The following TCF23 variants were observed in gnomAD, a reference collection of about 807,000 sequenced individuals.
TCF23 encodes transcription factor 23.
Under a neutral mutation model 13.0 loss-of-function variants are expected in TCF23, and 7 were observed. That is an observed-to-expected ratio of 0.54 (90% confidence interval 0.31 to 1.01). TCF23 has a LOEUF of 1.01. TCF23 is among the 50% of genes least tolerant of loss of function. The pLI, the probability that TCF23 is intolerant of heterozygous loss-of-function variation, is 0.06. For synonymous variants in TCF23, 122 were observed against 119.5 expected, an observed-to-expected ratio of 1.02 and a Z score of -0.14; for missense variants, 257 against 289.8, an observed-to-expected ratio of 0.89 and a Z score of 0.82.
At chr2:27,149,840 C>T (rs1299712836) in intron 1 of TCF23, 1 of 689,306 alleles carries the variant, frequency 1.5e-6, no homozygotes, top group Non-Finnish European at 2.7e-6. Flanking sequence ...AGGACAAAGG[C>T]TCTGAGGAGG....
At position 27,150,213 on chromosome 2, in the gene TCF23, G is replaced by C. The variant is rs1447996249; in HGVS notation, c.313G>C (p.Ala105Pro). 6 of 1,613,000 alleles carry C rather than the reference G, an allele frequency of 3.7e-6. No individual in the cohort carries two copies. The highest frequency in any genetic ancestry group is 5.1e-6 in the Non-Finnish European group (6 of 1,179,884). The part of the protein sequence containing the change: ...AFLALQAALP[A>P]VPPDTKLSKL... ...CTTGGCCTTGCAGGCTGCTCTGCCT[G>C]CCGTGCCGCCCGACACCAAGCTCTC... Residue 105 changes from alanine to proline, a missense_variant, in exon 2 of 3, where the codon GCC becomes CCC. Transcript: ENST00000296096. This position sits in a 1 kb window ranked among gnomAD's most constrained non-coding sequence, Gnocchi z 4.1.
Position 27,154,321 on chromosome 2 carries a change from G to A in TCF23, c.*1454G>A, listed in dbSNP as rs982233954. 2.0e-5 allele frequency: 3 copies of A among 152,210 alleles called. No homozygotes were observed. The highest frequency in any genetic ancestry group is 7.2e-5 in the African/African-American group (3 of 41,462). The allele number at this position is 152,210 out of a possible 1,614,324, so 9.4% of individuals were successfully genotyped here. On this transcript the variant is annotated 3_prime_UTR_variant, in exon 3 of 3. Coordinates refer to ENST00000296096, the MANE Select transcript of TCF23 (RefSeq NM_175769.3). ...GTTAAATTTCAGCCCTTCAGAGTGG[G>A]AGGGGACGGGCATGACCAACTAGAG...
rs1017423993 is a variant in TCF23 at position 27,154,109 on chromosome 2, G to A, written c.*1242G>A. 5 of 152,214 alleles carry A rather than the reference G, an allele frequency of 3.3e-5. No homozygotes were observed. Among genetic ancestry groups the A allele is most frequent in the Non-Finnish European group, 5.9e-5 (4 of 68,028 alleles). The allele number at this position is 152,214 out of a possible 1,614,324, so 9.4% of individuals were successfully genotyped here. ...TCCGCCTCATGGAGATCGTCCTTGG[G>A]GGCTTTCTCTAAGTCCTACCATGGG... On this transcript the variant is annotated 3_prime_UTR_variant, in exon 3 of 3. Coordinates refer to ENST00000296096, the MANE Select transcript of TCF23 (RefSeq NM_175769.3).
intron 2 of TCF23, among the ~76,000 whole-genome samples, chr2:27,152,056 G>A (rs771988403): frequency 3.0e-4 from 45 of 152,340 alleles, no homozygotes; most frequent in Non-Finnish European, 5.3e-4. Flanking sequence ...GCAGGGTCCT[G>A]GGATGATATA....
rs1044665917 is a variant in TCF23, at chr2:27,150,544, C to A, written c.465+179C>A. On this transcript the variant is annotated intron_variant, in intron 2 of 2. Transcript: ENST00000296096. This position sits in a 1 kb window ranked among gnomAD's most constrained non-coding sequence, Gnocchi z 4.1. Reference sequence around the variant, plus strand: ...GAGCCAAGGCTGACCCTTGGGGCTGCGCTGACCCTGGGTTTCTCATGGGAG... The same window carrying A: ...GAGCCAAGGCTGACCCTTGGGGCTGAGCTGACCCTGGGTTTCTCATGGGAG... Among the ~76,000 whole-genome samples, 1 of 152,140 alleles carries A rather than the reference C, an allele frequency of 6.6e-6. No individual in the cohort carries two copies. Among genetic ancestry groups the A allele is most frequent in the Non-Finnish European group, 1.5e-5 (1 of 68,024 alleles).
At chr2:27,149,596 C>T (rs908358138) in intron 1 of TCF23, 10 of 648,776 alleles carry the variant, frequency 1.5e-5, no homozygotes, top group African/African-American at 1.1e-4. Flanking sequence ...AAACTGAGGC[C>T]GGGAAGAGGG....
chr2:27,152,277 C>G (rs889390276), intron 2 of TCF23, among the ~76,000 whole-genome samples: 2 of 152,240 alleles, frequency 1.3e-5, no homozygotes, highest in Non-Finnish European at 2.9e-5. Flanking sequence ...GGCAATCAAC[C>G]TGGTGTATTC....
chr2:27,149,964 C>T (rs1443168528), intron 1 of TCF23, 159 bp from the exon 2 acceptor site: 7 of 1,247,026 alleles, frequency 5.6e-6, no homozygotes, highest in Admixed American at 4.6e-5. Flanking sequence ...AGCTGTGAAA[C>T]GCGGCAGGGC....
At chr2:27,152,243 T>C (rs1005667675) in intron 2 of TCF23, among the ~76,000 whole-genome samples, 1 of 152,106 alleles carries the variant, frequency 6.6e-6, no homozygotes, top group African/African-American at 2.4e-5. Context: ...GGTGGAGAGG[T>C]TGTGAACAGG....
In TCF23 at chr2:27,152,810, A is replaced by G; in HGVS notation, c.588A>G (p.Gly196=). The change falls in exon 3 of 3, where the codon GGA becomes GGG. Residue 196 remains glycine (G), a synonymous_variant. Coordinates refer to ENST00000296096, the MANE Select transcript of TCF23 (RefSeq NM_175769.3). ...CAGAGGTGGGGTCCCAAGTCCCTGG[A>G]GAGGCAGATGCTCTCCTTTCCACCA... ...RDAEVGSQVP[G]EADALLSTTP... The G allele has an allele frequency of 6.2e-7, 1 of 1,614,164 alleles. No homozygotes were observed. The highest frequency in any genetic ancestry group is 8.5e-7 in the Non-Finnish European group (1 of 1,180,028).
Position 27,149,356 on chromosome 2 carries a change from G to GT in TCF23, c.222+2dup. Reference sequence around the variant, plus strand: ...GGCTGGGGGCCTGGCTCTTGGCAGGGTAAGGAAATCCTGCACCTGCAGAGG... The same window carrying GT: ...GGCTGGGGGCCTGGCTCTTGGCAGGGTTAAGGAAATCCTGCACCTGCAGAGG... On this transcript the variant is annotated splice_donor_variant, in intron 1 of 2. Transcript: ENST00000296096. LOFTEE classifies it high-confidence loss of function. 7.6e-6 allele frequency: 12 copies of GT among 1,571,786 alleles called. No homozygotes were observed. Among genetic ancestry groups the GT allele is most frequent in the Non-Finnish European group, 1.0e-5 (12 of 1,158,288 alleles).
rs1039137949 is a variant in TCF23, at chr2:27,154,114, T to G, written c.*1247T>G. 6.6e-5 allele frequency: 10 copies of G among 152,208 alleles called. 1 individual carries two copies. The allele number at this position is 152,208 out of a possible 1,614,324, so 9.4% of individuals were successfully genotyped here. A position where few individuals can be genotyped will look rare whatever the true frequency, so the allele number is the denominator to read the frequency against. On this transcript the variant is annotated 3_prime_UTR_variant, in exon 3 of 3. Transcript: ENST00000296096. ...CTCATGGAGATCGTCCTTGGGGGCT[T>G]TCTCTAAGTCCTACCATGGGGTGCC... is the stretch of plus-strand genomic sequence containing the variant.
In TCF23 at chr2:27,152,914, G is replaced by C. The variant is rs1672783028; in HGVS notation, c.*47G>C. 1.3e-6 allele frequency: 2 copies of C among 1,565,854 alleles called. No individual in the cohort carries two copies. The highest frequency in any genetic ancestry group is 2.7e-5 in the African/African-American group (2 of 73,518). ...CCTAGACTGTGACTCATGCTTATGG[G>C]CCTGGATTTTCTACCAGCCCCCAGA... On this transcript the variant is annotated 3_prime_UTR_variant, in exon 3 of 3. Transcript: ENST00000296096.
At position 27,150,457 on chromosome 2, in the gene TCF23, G is replaced by A; in HGVS notation, c.465+92G>A. The A allele has an allele frequency of 3.9e-6, 6 of 1,550,994 alleles. No homozygotes were observed. The highest frequency in any genetic ancestry group is 3.5e-6 in the Non-Finnish European group (4 of 1,141,810). ...GAATGAGGGGGGACATTGGACTTGG[G>A]CCCCCTGCCCTGTGCAGAACTGACG... On this transcript the variant is annotated intron_variant, in intron 2 of 2. Transcript: ENST00000296096. The surrounding 1 kb of genome is among the most constrained non-coding windows in gnomAD (Gnocchi z 4.1).
intron 2 of TCF23, among the ~76,000 whole-genome samples, chr2:27,151,670 C>G (rs750433108): frequency 2.0e-5 from 3 of 152,100 alleles, no homozygotes; most frequent in African/African-American, 7.2e-5. Flanking sequence ...CAGGGTCTCA[C>G]TGTCGCCCAT....
At chr2:27,151,041 G>T (rs979743634) in intron 2 of TCF23, among the ~76,000 whole-genome samples, 1 of 152,198 alleles carries the variant, frequency 6.6e-6, no homozygotes, top group Non-Finnish European at 1.5e-5. Flanking sequence ...TAGGCCAGGA[G>T]CTGGGTTAAG....
chr2:27,154,916 T>C lies in TCF23; in HGVS notation c.*2049T>C, dbSNP rs1672813920. 1 of 152,454 alleles carries C rather than the reference T, an allele frequency of 6.6e-6. No individual in the cohort carries two copies. The highest frequency in any genetic ancestry group is 6.5e-5 in the Admixed American group (1 of 15,274). 9.4% of individuals were successfully genotyped at this position (152,454 alleles called of 1,614,324 possible). A position where few individuals can be genotyped will look rare whatever the true frequency, so the allele number is the denominator to read the frequency against. On this transcript the variant is annotated 3_prime_UTR_variant, in exon 3 of 3. Coordinates refer to ENST00000296096, the MANE Select transcript of TCF23 (RefSeq NM_175769.3). ...ACACTTTCCTGGGGATGAAGGGAAA[T>C]TGGCTTGGGGTGTGTGTCGGGGTCC...
rs953875874 is a variant in TCF23 at position 27,150,443 on chromosome 2, G to T, written c.465+78G>T. The T allele has an allele frequency of 1.9e-6, 3 of 1,568,578 alleles. No individual in the cohort carries two copies. Among genetic ancestry groups the T allele is most frequent in the East Asian group, 2.3e-5 (1 of 44,234 alleles). On this transcript the variant is annotated intron_variant, in intron 2 of 2. Coordinates refer to ENST00000296096, the MANE Select transcript of TCF23 (RefSeq NM_175769.3). The surrounding 1 kb of genome is among the most constrained non-coding windows in gnomAD (Gnocchi z 4.1). ...GGAGAAAGGGATTGGAATGAGGGGG[G>T]ACATTGGACTTGGGCCCCCTGCCCT...
chr2:27,150,921 C>T lies in TCF23; in HGVS notation c.465+556C>T, dbSNP rs1409889375. ...TTTTCTCAACCTCAGTTTTATTACA[C>T]GTAAAATAGAAGCTAACATGAGCCT... On this transcript the variant is annotated intron_variant, in intron 2 of 2. Coordinates refer to ENST00000296096, the MANE Select transcript of TCF23 (RefSeq NM_175769.3). The surrounding 1 kb of genome is among the most constrained non-coding windows in gnomAD (Gnocchi z 4.1). Among the ~76,000 whole-genome samples, 1 of 152,140 alleles carries T rather than the reference C, an allele frequency of 6.6e-6. No homozygotes were observed. The highest frequency in any genetic ancestry group is 1.5e-5 in the Non-Finnish European group (1 of 68,030).
Sources: allele counts gnomAD v4.1 joint callset (sites outside exome capture counted in the v4.1 genomes callset), GRCh38; gene constraint gnomAD v4.1.1; non-coding constraint Gnocchi (gnomAD v3.1); transcripts MANE v1.5; gene names NCBI Gene and HGNC (gene_info 2026-07-23, HGNC 2026-07-21).